The following NXPH1 variants were observed in gnomAD, a reference collection of about 807,000 sequenced individuals.
NXPH1 encodes neurexophilin 1, also known as neurexophilin-1.
NXPH1 carries 5 observed loss-of-function variants against 23.7 expected under a neutral mutation model. That is an observed-to-expected ratio of 0.21 (90% CI 0.11 to 0.44). The LOEUF (loss-of-function observed/expected upper bound fraction) is 0.44, where lower values mean the gene tolerates loss of function less well. Ranked by LOEUF, NXPH1 falls within the 20% of genes least tolerant of loss-of-function variation. The probability of loss-of-function intolerance (pLI) is 0.99; values close to 1 mark genes in which losing one functional copy is unlikely to be tolerated. For missense variants in NXPH1, 324 were observed against 321.6 expected (o/e 1.01, Z -0.06); for synonymous variants, 144 against 122.2 (o/e 1.18, Z -1.18).
intron 2 of NXPH1, among the ~76,000 whole-genome samples, chr7:8,664,651 T>G (rs931326518): frequency 3.3e-5 from 5 of 152,074 alleles, no homozygotes; most frequent in Non-Finnish European, 7.4e-5. Flanking sequence ...CCACGAACAG[T>G]ATTCCAGAGT....
chr7:8,734,245 G>T (rs1472127989), intron 2 of NXPH1, among the ~76,000 whole-genome samples: 1 of 152,032 alleles, frequency 6.6e-6, no homozygotes, highest in African/African-American at 2.4e-5. Context: ...AACTGTTTTG[G>T]TACCACTACC....
Position 8,597,307 on chromosome 7 carries a change from A to G in NXPH1, c.55-153701A>G, listed in dbSNP as rs77025908. Among the ~76,000 whole-genome samples, 94 of 152,170 alleles carry G rather than the reference A, an allele frequency of 6.2e-4. No individual in the cohort carries two copies. In the East Asian group the frequency reaches 0.018, roughly 29 times the overall value. On this transcript the variant is annotated intron_variant, in intron 2 of 2. Coordinates refer to ENST00000405863, the MANE Select transcript of NXPH1 (RefSeq NM_152745.3). The stretch of plus-strand genomic sequence containing the variant: ...TTATTTAGCTAGATTGCTTAGTTGG[A>G]CATGCATGGTGGACAGACGTGGTGG...
chr7:8,712,818 T>A (rs1173933990), intron 2 of NXPH1, among the ~76,000 whole-genome samples: 2 of 152,106 alleles, frequency 1.3e-5, no homozygotes, highest in East Asian at 3.9e-4. Context: ...CTCTTATTTA[T>A]CTCTTTCCTC....
At chr7:8,743,783 A>G (rs557215217) in intron 2 of NXPH1, among the ~76,000 whole-genome samples, 1 of 150,882 alleles carries the variant, frequency 6.6e-6, no homozygotes, top group South Asian at 2.1e-4. Flanking sequence ...TCCCGAGTTC[A>G]TGCTGTTCTC....
intron 2 of NXPH1, among the ~76,000 whole-genome samples, chr7:8,601,274 C>T (rs1819353701): frequency 6.6e-6 from 1 of 151,962 alleles, no homozygotes; most frequent in Non-Finnish European, 1.5e-5. Context: ...AGTAACCAAA[C>T]TTCTTTTATT....
At chr7:8,608,639 T>A (rs1819552446) in intron 2 of NXPH1, among the ~76,000 whole-genome samples, 1 of 152,130 alleles carries the variant, frequency 6.6e-6, no homozygotes, top group Non-Finnish European at 1.5e-5. Context: ...GAGGTTTGCA[T>A]CTTCTTGATT....
chr7:8,714,203 C>T (rs1040315492), intron 2 of NXPH1, among the ~76,000 whole-genome samples: 1 of 152,096 alleles, frequency 6.6e-6, no homozygotes, highest in Non-Finnish European at 1.5e-5. Context: ...GGAGCCTCTT[C>T]CTGTGTCCAT....
At chr7:8,697,861 G>T in intron 2 of NXPH1, among the ~76,000 whole-genome samples, 1 of 152,324 alleles carries the variant, frequency 6.6e-6, no homozygotes, top group African/African-American at 2.4e-5. Flanking sequence ...TGTTTGGAGA[G>T]TGGAGCAAGA....
intron 2 of NXPH1, among the ~76,000 whole-genome samples, chr7:8,682,651 C>T (rs898172577): frequency 6.6e-6 from 1 of 152,106 alleles, no homozygotes; most frequent in Non-Finnish European, 1.5e-5. Context: ...AATCTCATGC[C>T]TCTAGTGCTT....
chr7:8,493,474 G>C (rs75839286), intron 2 of NXPH1, among the ~76,000 whole-genome samples: 22,258 of 151,980 alleles, frequency 0.15, 1,815 homozygotes, highest in African/African-American at 0.21. Context: ...GGAACATTTG[G>C]ACTATGTGAA....
intron 2 of NXPH1, among the ~76,000 whole-genome samples, chr7:8,475,592 C>G (rs751781235): frequency 6.6e-6 from 1 of 152,112 alleles, no homozygotes; most frequent in African/African-American, 2.4e-5. Flanking sequence ...TCTCTGCTAA[C>G]TGCAACAAGG....
rs1584232669 is a variant in NXPH1 at position 8,560,982 on chromosome 7, C to A, written c.54+125215C>A. Among the ~76,000 whole-genome samples, 3 of 151,568 alleles carry A rather than the reference C, an allele frequency of 2.0e-5. No individual in the cohort carries two copies. The East Asian group carries it at 5.9e-4, about 30-fold the overall frequency. On this transcript the variant is annotated intron_variant, in intron 2 of 2. Transcript: ENST00000405863. Reference sequence around the variant, plus strand: ...GTTACCTCTCCTAGGGTTTAGGAAACAAGCCCCTCTGGATTGAAATATTAA... The same window carrying A: ...GTTACCTCTCCTAGGGTTTAGGAAAAAAGCCCCTCTGGATTGAAATATTAA...
Position 8,703,887 on chromosome 7 carries a change from A to T in NXPH1, c.55-47121A>T, listed in dbSNP as rs80042924. On this transcript the variant is annotated intron_variant, in intron 2 of 2. Coordinates refer to ENST00000405863, the MANE Select transcript of NXPH1 (RefSeq NM_152745.3). ...CCTGGGGAACTTGCAGTACAAAGGG[A>T]TGTTTTTGTTTCCAAACCCCTTCCT... Among the ~76,000 whole-genome samples the T allele has an allele frequency of 2.6e-4, 39 of 152,138 alleles. 2 individuals are homozygous for T. In the East Asian group the frequency reaches 7.5e-3, roughly 29 times the overall value.
chr7:8,738,847 C>T (rs913954463), intron 2 of NXPH1, among the ~76,000 whole-genome samples: 1 of 152,134 alleles, frequency 6.6e-6, no homozygotes, highest in Admixed American at 6.5e-5. Context: ...TAGAGAGGCA[C>T]ATTGGCTACA....
chr7:8,538,752 T>C (rs1818066550), intron 2 of NXPH1, among the ~76,000 whole-genome samples: 1 of 151,976 alleles, frequency 6.6e-6, no homozygotes, highest in Admixed American at 6.6e-5. Context: ...GAAAAATATA[T>C]CAATTCAAAT....
rs149634047 is a variant in NXPH1 at position 8,694,222 on chromosome 7, A to G, written c.55-56786A>G. On this transcript the variant is annotated intron_variant, in intron 2 of 2. Transcript: ENST00000405863. ...AAAGTGCTCATGATGTTAGAATGCAATCCACTCTTTCCTAAGTGCAGGTGC... is the reference window on the plus strand; with the variant it reads ...AAAGTGCTCATGATGTTAGAATGCAGTCCACTCTTTCCTAAGTGCAGGTGC... 2.3e-3 allele frequency among the ~76,000 whole-genome samples: 348 copies of G among 152,258 alleles called. 2 individuals carry two copies. The highest frequency in any genetic ancestry group is 0.02 in the Middle Eastern group (6 of 294).
chr7:8,501,039 A>G (rs1437307031), intron 2 of NXPH1, among the ~76,000 whole-genome samples: 1 of 152,068 alleles, frequency 6.6e-6, no homozygotes, highest in Non-Finnish European at 1.5e-5. Flanking sequence ...CAATTGTGGA[A>G]GGTGTCTTAT....
At chr7:8,667,014 A>G (rs1820782299) in intron 2 of NXPH1, among the ~76,000 whole-genome samples, 1 of 152,122 alleles carries the variant, frequency 6.6e-6, no homozygotes, top group African/African-American at 2.4e-5. Flanking sequence ...TGCTTAGAAC[A>G]TCTTATAGTT....
intron 2 of NXPH1, among the ~76,000 whole-genome samples, chr7:8,521,680 A>G (rs1219866649): frequency 6.6e-6 from 1 of 152,212 alleles, no homozygotes; most frequent in African/African-American, 2.4e-5. Flanking sequence ...AGGAGTTTTT[A>G]GACATCATTG....
Sources: gnomAD v4.1 joint callset for allele counts (sites outside exome capture counted in the v4.1 genomes callset) on GRCh38, gnomAD v4.1.1 for gene constraint, MANE v1.5 for transcripts, NCBI Gene and HGNC (gene_info 2026-07-23, HGNC 2026-07-21) for gene names.